The following MYT1L variants were observed in gnomAD, a reference collection of about 807,000 sequenced individuals.
MYT1L encodes the protein myelin transcription factor 1-like protein.
MYT1L carries 12 observed loss-of-function variants against 126.7 expected under a neutral mutation model. That is an observed-to-expected ratio of 0.09 (90% CI 0.06 to 0.15). MYT1L has a LOEUF of 0.15. MYT1L is among the 10% of genes least tolerant of loss of function. The pLI is 1.00. For missense variants in MYT1L, 979 were observed against 1,585.2 expected (o/e 0.62, Z 6.49); for synonymous variants, 541 against 604.2 (o/e 0.90, Z 1.53).
At chr2:2,300,789 A>C (rs138903447) in intron 1 of MYT1L, among the ~76,000 whole-genome samples, 3 of 152,322 alleles carry the variant, frequency 2.0e-5, no homozygotes, top group East Asian at 1.9e-4. Flanking sequence ...TCACACACTC[A>C]CAGAGCCGCC....
At chr2:2,006,038 G>A (rs1374704233) in intron 4 of MYT1L, among the ~76,000 whole-genome samples, 2 of 149,148 alleles carry the variant, frequency 1.3e-5, no homozygotes, top group South Asian at 2.1e-4. Flanking sequence ...TTTCCTGCAG[G>A]TGTTCTTTCC....
chr2:1,813,037 C>T (rs10192915), intron 21 of MYT1L, among the ~76,000 whole-genome samples: 6,350 of 152,234 alleles, frequency 0.042, 153 homozygotes, highest in East Asian at 0.067. Context: ...CAGCCCGGCT[C>T]AGTATGATCC....
At chr2:2,205,510 A>G (rs1038776654) in intron 2 of MYT1L, among the ~76,000 whole-genome samples, 5 of 152,232 alleles carry the variant, frequency 3.3e-5, no homozygotes, top group Middle Eastern at 3.2e-3. Context: ...AATAATGCAT[A>G]TAATGTAGTC....
chr2:1,836,598 T>TG (rs2040929881), intron 21 of MYT1L, among the ~76,000 whole-genome samples: 1 of 146,632 alleles, frequency 6.8e-6, no homozygotes, highest in Non-Finnish European at 1.5e-5. Context: ...CATCAGCCTG[T>TG]ACCCCAAGAT....
At chr2:1,977,404 T>TA (rs1298241141) in intron 8 of MYT1L, among the ~76,000 whole-genome samples, 1 of 152,252 alleles carries the variant, frequency 6.6e-6, no homozygotes, top group African/African-American at 2.4e-5. Flanking sequence ...TGGTTAAGCA[T>TA]ATGAATGCTT....
chr2:1,892,326 G>A, intron 14 of MYT1L, 39 bp from the exon 15 acceptor site: 3 of 1,537,060 alleles, frequency 2.0e-6, no homozygotes, highest in Non-Finnish European at 1.8e-6. Flanking sequence ...GGCCCCGGCC[G>A]CAGGGCACAC....
intron 8 of MYT1L, among the ~76,000 whole-genome samples, chr2:1,978,297 T>C (rs181092667): frequency 6.6e-6 from 1 of 152,358 alleles, no homozygotes; most frequent in Admixed American, 6.5e-5. Flanking sequence ...CACTGAGGGT[T>C]TGTTAGGCTG....
intron 8 of MYT1L, among the ~76,000 whole-genome samples, chr2:1,964,684 C>T: frequency 6.6e-6 from 1 of 152,120 alleles, no homozygotes; most frequent in Non-Finnish European, 1.5e-5. Flanking sequence ...TAAAAAACAA[C>T]AGACTGCATT....
At chr2:2,193,414 A>G (rs1234456575) in intron 2 of MYT1L, among the ~76,000 whole-genome samples, 6 of 152,198 alleles carry the variant, frequency 3.9e-5, no homozygotes, top group Non-Finnish European at 1.5e-5. Context: ...AAAACACAGC[A>G]AAGTCATGTG....
In MYT1L at chr2:1,979,865, T is replaced by C. The variant is rs1260214040; in HGVS notation, c.1-88A>G. On this transcript the variant is annotated intron_variant, in intron 5 of 24. Coordinates refer to ENST00000647738, the MANE Select transcript of MYT1L (RefSeq NM_001303052.2). This position sits in a 1 kb window ranked among gnomAD's most constrained non-coding sequence, Gnocchi z 4.0. ...GCGGCTCACTCTCCCTGGCATTCTA[T>C]TAATGGGGCTTTAATCCTGTTTCCC... The C allele has an allele frequency of 1.5e-6, 2 of 1,324,666 alleles. No individual in the cohort carries two copies. Among genetic ancestry groups the C allele is most frequent in the Non-Finnish European group, 2.1e-6 (2 of 931,006 alleles). The allele number at this position is 1,324,666 out of a possible 1,614,324, so 82.1% of individuals were successfully genotyped here.
intron 3 of MYT1L, among the ~76,000 whole-genome samples, chr2:2,099,889 C>T (rs1575154835): frequency 6.6e-6 from 1 of 152,304 alleles, no homozygotes; most frequent in East Asian, 1.9e-4. Context: ...AGTGGGGAGG[C>T]TTGCCAATTA....
At chr2:1,838,472 G>A (rs944119095) in intron 21 of MYT1L, among the ~76,000 whole-genome samples, 2 of 152,098 alleles carry the variant, frequency 1.3e-5, no homozygotes, top group Non-Finnish European at 2.9e-5. Context: ...AAAGGGTATG[G>A]CCTTCACATC....
intron 2 of MYT1L, among the ~76,000 whole-genome samples, chr2:2,264,623 T>C (rs11127365): frequency 0.97 from 148,355 of 152,236 alleles, 72,299 homozygotes; most frequent in East Asian, 1. Context: ...AGAGCCATGG[T>C]GCTCAGCGGA....
At chr2:1,907,626 G>A (rs147618318) in intron 13 of MYT1L, among the ~76,000 whole-genome samples, 1,682 of 152,378 alleles carry the variant, frequency 0.011, 16 homozygotes, top group Middle Eastern at 0.024. Context: ...GACTGGGAAG[G>A]AGGCTATAGA....
intron 22 of MYT1L, among the ~76,000 whole-genome samples, chr2:1,805,298 G>A (rs1405021207): frequency 2.6e-5 from 4 of 152,204 alleles, no homozygotes. Context: ...AAAATCCAGT[G>A]CCAGGGTCCT....
At chr2:2,182,474 TTC>T (rs1261337585) in intron 2 of MYT1L, among the ~76,000 whole-genome samples, 2 of 152,090 alleles carry the variant, frequency 1.3e-5, no homozygotes, top group African/African-American at 4.8e-5. Context: ...TCTATCCTCA[TTC>T]TCTGTCCCTC....
intron 1 of MYT1L, among the ~76,000 whole-genome samples, chr2:2,295,915 G>T (rs1297846687): frequency 7.0e-6 from 1 of 142,638 alleles, no homozygotes; most frequent in Non-Finnish European, 1.5e-5. Flanking sequence ...GAATAATAAA[G>T]CTAGAGAGAG....
At chr2:2,264,871 C>A (rs2095082576) in intron 2 of MYT1L, among the ~76,000 whole-genome samples, 1 of 151,978 alleles carries the variant, frequency 6.6e-6, no homozygotes, top group African/African-American at 2.4e-5. Context: ...CTTCTCATGG[C>A]AAAATACCAG....
intron 9 of MYT1L, among the ~76,000 whole-genome samples, chr2:1,934,293 T>TAC (rs2055503489): frequency 1.4e-5 from 2 of 142,630 alleles, no homozygotes; most frequent in Non-Finnish European, 3.1e-5. Flanking sequence ...TTTTATAACA[T>TAC]ATATATATAT....
Sources: gnomAD v4.1 joint callset for allele counts (sites outside exome capture counted in the v4.1 genomes callset) on GRCh38, gnomAD v4.1.1 for gene constraint, Gnocchi (gnomAD v3.1) non-coding constraint, MANE v1.5 for transcripts, NCBI Gene and HGNC (gene_info 2026-07-23, HGNC 2026-07-21) for gene names.